The following HECTD2 variants were observed in gnomAD, a reference collection of about 807,000 sequenced individuals.
HECTD2 encodes the protein probable E3 ubiquitin-protein ligase HECTD2.
HECTD2 carries 35 observed loss-of-function variants against 103.2 expected under a neutral mutation model. The observed-to-expected ratio is 0.34, with a 90% CI of 0.26 to 0.45. The LOEUF (loss-of-function observed/expected upper bound fraction) is 0.45. Among genes scored for constraint, HECTD2 ranks in the 20% least tolerant of loss-of-function variants. HECTD2 has a pLI of 1.00. For synonymous variants in HECTD2, 281 were observed against 329.9 expected, an observed-to-expected ratio of 0.85 and a Z score of 1.61; for missense variants, 596 against 937.4, an observed-to-expected ratio of 0.64 and a Z score of 4.76.
At chr10:91,503,835 A>G (rs1003935579) in intron 20 of HECTD2, among the ~76,000 whole-genome samples, 4 of 152,188 alleles carry the variant, frequency 2.6e-5, no homozygotes, top group African/African-American at 9.7e-5. Context: ...GGCACAGACA[A>G]ACAAAAAGAC....
chr10:91,503,843 G>T (rs1341089815), intron 20 of HECTD2, among the ~76,000 whole-genome samples: 3 of 152,238 alleles, frequency 2.0e-5, no homozygotes, highest in Non-Finnish European at 4.4e-5. Context: ...CAAACAAAAA[G>T]ACAGCAGTAA....
Position 91,487,475 on chromosome 10 carries a change from A to G in HECTD2, c.1095-207A>G. The G allele has an allele frequency of 1.7e-6, 1 of 584,308 alleles. No homozygotes were observed. The highest frequency in any genetic ancestry group is 3.1e-6 in the Non-Finnish European group (1 of 318,942). 36.2% of individuals were successfully genotyped at this position (584,308 alleles called of 1,614,324 possible). On this transcript the variant is annotated intron_variant, in intron 10 of 20. Coordinates refer to ENST00000298068, the MANE Select transcript of HECTD2 (RefSeq NM_182765.6). The surrounding 1 kb of genome is among the most constrained non-coding windows in gnomAD (Gnocchi z 4.1). Reference sequence around the variant, plus strand: ...CTTTGATGTAGCTTCTGCAGAGAATAAAGGCATTGCACATCTAGTAATGAT... The same window carrying G: ...CTTTGATGTAGCTTCTGCAGAGAATGAAGGCATTGCACATCTAGTAATGAT...
At chr10:91,461,994 T>G in intron 4 of HECTD2, 101 bp from the exon 5 acceptor site, 1 of 888,878 alleles carries the variant, frequency 1.1e-6, no homozygotes. Flanking sequence ...ATTATCAGAC[T>G]AAAAAATAAT....
rs560046103 is a variant in HECTD2, at chr10:91,473,411, AC to A, written c.601-4789del. 3.3e-5 allele frequency among the ~76,000 whole-genome samples: 5 copies of A among 152,294 alleles called. No individual in the cohort carries two copies. The South Asian group carries it at 1.0e-3, about 32-fold the overall frequency. On this transcript the variant is annotated intron_variant, in intron 5 of 20. Transcript: ENST00000298068. ...TTAAAGATATTTAAAATAAACAAAA[AC>A]TGCCTTTACCACCAACAGACGTATA...
chr10:91,434,334 AACTGAT>A (rs1241897964), intron 2 of HECTD2, among the ~76,000 whole-genome samples: 9 of 152,146 alleles, frequency 5.9e-5, no homozygotes, highest in African/African-American at 2.2e-4. Context: ...CAAAGTACTA[AACTGAT>A]ACAGGGATCC....
At chr10:91,438,121 T>C (rs1844214990) in intron 2 of HECTD2, among the ~76,000 whole-genome samples, 1 of 151,942 alleles carries the variant, frequency 6.6e-6, no homozygotes, top group Non-Finnish European at 1.5e-5. Flanking sequence ...CTGGGATACA[T>C]GTGCAGAACG....
At chr10:91,504,440 A>C (rs1847056788) in intron 20 of HECTD2, among the ~76,000 whole-genome samples, 1 of 152,162 alleles carries the variant, frequency 6.6e-6, no homozygotes, top group Non-Finnish European at 1.5e-5. Flanking sequence ...AAAGGAGCTG[A>C]TGGAGCTGAA....
chr10:91,503,470 G>A (rs1240166484), intron 20 of HECTD2, among the ~76,000 whole-genome samples: 15 of 152,178 alleles, frequency 9.9e-5, no homozygotes, highest in African/African-American at 3.1e-4. Flanking sequence ...CTCGGGAAGC[G>A]CAAGGGGTCA....
At chr10:91,438,707 G>T (rs988261374) in intron 2 of HECTD2, among the ~76,000 whole-genome samples, 1 of 152,080 alleles carries the variant, frequency 6.6e-6, no homozygotes, top group Non-Finnish European at 1.5e-5. Flanking sequence ...GTGTAAAAGC[G>T]TTCCTGTTTC....
At chr10:91,493,937 TAAAG>T (rs1413946601) in intron 14 of HECTD2, among the ~76,000 whole-genome samples, 8 of 151,946 alleles carry the variant, frequency 5.3e-5, no homozygotes, top group African/African-American at 1.9e-4. Flanking sequence ...TCCTGAAACA[TAAAG>T]GAAGCATCCA....
At chr10:91,491,655 T>C (rs1001354195) in intron 12 of HECTD2, among the ~76,000 whole-genome samples, 5 of 152,184 alleles carry the variant, frequency 3.3e-5, no homozygotes, top group African/African-American at 1.2e-4. Flanking sequence ...TAACAAGTCA[T>C]TTAACTTCTC....
At position 91,500,185 on chromosome 10, in the gene HECTD2, G is replaced by A. The variant is rs532058400; in HGVS notation, c.1951-317G>A. Among the ~76,000 whole-genome samples, 19 of 152,256 alleles carry A rather than the reference G, an allele frequency of 1.2e-4. No homozygotes were observed. In the South Asian group the frequency reaches 3.1e-3, roughly 25 times the overall value. ...ATATTGGAAGGAGATACTAGGATACGGGATATTAGGTGGATCAGTAGATGT... is the reference window on the plus strand; with the variant it reads ...ATATTGGAAGGAGATACTAGGATACAGGATATTAGGTGGATCAGTAGATGT... On this transcript the variant is annotated intron_variant, in intron 18 of 20. Transcript: ENST00000298068.
chr10:91,469,497 C>T (rs1447418028), intron 5 of HECTD2, among the ~76,000 whole-genome samples: 1 of 152,094 alleles, frequency 6.6e-6, no homozygotes, highest in Non-Finnish European at 1.5e-5. Context: ...TCATATACAG[C>T]CAAACAAAGC....
chr10:91,509,284 TA>T (rs1203871113), intron 20 of HECTD2, among the ~76,000 whole-genome samples: 1 of 151,512 alleles, frequency 6.6e-6, no homozygotes, highest in East Asian at 1.9e-4. Context: ...TTAAAAAAAA[TA>T]AATTTAAAAA....
intron 19 of HECTD2, among the ~76,000 whole-genome samples, chr10:91,500,917 C>T (rs1468180508): frequency 6.6e-6 from 1 of 152,020 alleles, no homozygotes; most frequent in Non-Finnish European, 1.5e-5. Context: ...TTTAATAGCA[C>T]TATGTTGAAA....
intron 5 of HECTD2, among the ~76,000 whole-genome samples, chr10:91,471,461 C>A (rs1279707760): frequency 6.6e-6 from 1 of 152,118 alleles, no homozygotes; most frequent in African/African-American, 2.4e-5. Context: ...TACTGGGAGT[C>A]TTAGCCAGAG....
At chr10:91,472,218 T>C (rs1183488571) in intron 5 of HECTD2, among the ~76,000 whole-genome samples, 1 of 152,168 alleles carries the variant, frequency 6.6e-6, no homozygotes, top group Non-Finnish European at 1.5e-5. Context: ...AGATTATCTG[T>C]TCAATAAATA....
chr10:91,496,232 T>G lies in HECTD2; in HGVS notation c.1540T>G (p.Tyr514Asp). 6.2e-7 allele frequency: 1 copy of G among 1,612,136 alleles called. No homozygotes were observed. Among genetic ancestry groups the G allele is most frequent in the Non-Finnish European group, 8.5e-7 (1 of 1,178,694 alleles). The change falls in exon 15 of 21, where the codon TAT becomes GAT. Residue 514 changes from tyrosine (Y) to aspartate (D), a missense_variant. Around this residue, in one of 4 missense-constraint regions of HECTD2, gnomAD observed 303 missense variants for 522.5 expected, o/e 0.58. Transcript: ENST00000298068. ...TGCATAGCTTATGGGACTAGCTGTT[T>G]ATAACAGCATCACCTTGGATATTCG... ...LVGILMGLAV[Y>D]NSITLDIRFP...
intron 8 of HECTD2, among the ~76,000 whole-genome samples, chr10:91,483,454 A>G (rs1846165232): frequency 6.6e-6 from 1 of 151,932 alleles, no homozygotes; most frequent in Non-Finnish European, 1.5e-5. Context: ...AAATTTCACC[A>G]TTATTTAAAT....
Sources: allele counts gnomAD v4.1 joint callset (sites outside exome capture counted in the v4.1 genomes callset), GRCh38; gene constraint gnomAD v4.1.1; regional missense constraint gnomAD v4.1.1; non-coding constraint Gnocchi (gnomAD v3.1); transcripts MANE v1.5; gene names NCBI Gene and HGNC (gene_info 2026-07-23, HGNC 2026-07-21).